The following SDHA variants were observed in gnomAD, a reference collection of about 807,000 sequenced individuals.
SDHA encodes succinate dehydrogenase [ubiquinone] flavoprotein subunit, mitochondrial.
Under a neutral mutation model 78.4 loss-of-function variants are expected in SDHA, and 48 were observed. That is an observed-to-expected ratio of 0.61 (90% CI 0.49 to 0.78). The LOEUF (loss-of-function observed/expected upper bound fraction) is 0.78. SDHA is among the 30% of genes least tolerant of loss of function. The probability of loss-of-function intolerance (pLI) is 0.00; values close to 1 mark genes in which losing one functional copy is unlikely to be tolerated. For missense variants in SDHA, 680 were observed against 892.7 expected (o/e 0.76, Z 3.04); for synonymous variants, 326 against 353.9 (o/e 0.92, Z 0.88).
At chr5:227,823 C>G (rs1735136576) in intron 5 of SDHA, 1 of 333,448 alleles carries the variant, frequency 3.0e-6, no homozygotes, top group Non-Finnish European at 5.8e-6. Flanking sequence ...TTGCCAGTAG[C>G]TCCCATCTGG....
At chr5:253,313 C>A (rs1279367412) in intron 13 of SDHA, among the ~76,000 whole-genome samples, 1 of 152,204 alleles carries the variant, frequency 6.6e-6, no homozygotes, top group Non-Finnish European at 1.5e-5. Context: ...TTACCCTCCA[C>A]TAGAATATGC....
chr5:265,683 G>A, the SDHA span, among the ~76,000 whole-genome samples: 2 of 152,136 alleles, frequency 1.3e-5, no homozygotes, highest in African/African-American at 4.8e-5. Context: ...AGCCAGGCAT[G>A]ATGGTGGGTG....
intron 7 of SDHA, among the ~76,000 whole-genome samples, chr5:232,671 CAA>C (rs1164382547): frequency 6.6e-5 from 10 of 151,726 alleles, no homozygotes; most frequent in African/African-American, 1.9e-4. Context: ...CTTAGAAAAT[CAA>C]AAGACAGACA....
the SDHA span, among the ~76,000 whole-genome samples, chr5:265,935 A>T: frequency 3.3e-5 from 5 of 151,130 alleles, no homozygotes; most frequent in Non-Finnish European, 4.4e-5. Context: ...TCCTGGGGGA[A>T]CCCTACCCCA....
chr5:224,600 C>G (rs1734904427), intron 3 of SDHA, 79 bp downstream of exon 3: 3 of 1,471,224 alleles, frequency 2.0e-6, no homozygotes, highest in African/African-American at 2.8e-5. Flanking sequence ...GGGCAGCCCC[C>G]TGCCTCCTCC....
chr5:225,814 G>A (rs1734981920), intron 4 of SDHA, 69 bp from the exon 5 acceptor site: 2 of 1,582,112 alleles, frequency 1.3e-6, no homozygotes, highest in African/African-American at 2.7e-5. Flanking sequence ...CTTGTTTAGT[G>A]TAGATTAGCT....
chr5:240,642 G>A lies in SDHA; in HGVS notation c.1551+166G>A, dbSNP rs372060004. Among the ~76,000 whole-genome samples the A allele has an allele frequency of 1.8e-4, 27 of 152,218 alleles. No individual in the cohort carries two copies. In the East Asian group the frequency reaches 3.1e-3, roughly 17 times the overall value. On this transcript the variant is annotated intron_variant, in intron 11 of 14. Transcript: ENST00000264932. ...TTTTCATGTACCCGTCACACAAGTC[G>A]TGTGTGTTGTACCCAGTAGGTAATT... is the stretch of plus-strand genomic sequence containing the variant.
chr5:257,547 G>A (rs1405036323), downstream of SDHA, among the ~76,000 whole-genome samples: 119 of 101,292 alleles, frequency 1.2e-3, 11 homozygotes, highest in African/African-American at 4.3e-3. Context: ...TGAGCTCCGC[G>A]CCCTGCCAGA....
chr5:267,938 G>A, the SDHA span, among the ~76,000 whole-genome samples: 2 of 152,178 alleles, frequency 1.3e-5, no homozygotes, highest in Non-Finnish European at 2.9e-5. Context: ...GACTCAGGCA[G>A]CAACCCCCAT....
intron 2 of SDHA, among the ~76,000 whole-genome samples, chr5:224,105 G>C (rs1403515013): frequency 6.6e-6 from 1 of 152,312 alleles, no homozygotes; most frequent in African/African-American, 2.4e-5. Flanking sequence ...CCCTGAAGTA[G>C]AGTTGTGGTC....
At chr5:227,608 C>T (rs151034755) in intron 5 of SDHA, 20,765 of 175,986 alleles carry the variant, frequency 0.12, 1,355 homozygotes, top group Admixed American at 0.16. Context: ...CCCAGGCTTA[C>T]AAGAGCGACT....
At chr5:251,137 G>T in intron 12 of SDHA, 34 bp downstream of exon 12, 1 of 1,601,908 alleles carries the variant, frequency 6.2e-7, no homozygotes, top group Non-Finnish European at 8.5e-7. Context: ...CACACTGTTG[G>T]GCCCTTCCTT....
intron 2 of SDHA, among the ~76,000 whole-genome samples, chr5:223,917 A>C (rs1383378848): frequency 1.3e-5 from 2 of 152,224 alleles, no homozygotes; most frequent in African/African-American, 4.8e-5. Flanking sequence ...CTGCTGTGAT[A>C]GATGATAAAA....
chr5:240,290 C>A, intron 10 of SDHA, 68 bp from the exon 11 acceptor site: 1 of 962,642 alleles, frequency 1.0e-6, no homozygotes, highest in Non-Finnish European at 1.6e-6. Context: ...GTTTGTGTGT[C>A]ATTCTAAATC....
intron 11 of SDHA, among the ~76,000 whole-genome samples, chr5:243,968 C>T (rs1415601805): frequency 6.6e-6 from 1 of 152,040 alleles, no homozygotes; most frequent in East Asian, 1.9e-4. Flanking sequence ...AGTGAGGGTG[C>T]CAGATGGGGG....
rs1235961098 is a variant in SDHA at position 228,195 on chromosome 5, A to G, written c.632A>G (p.Tyr211Cys). The G allele has an allele frequency of 2.5e-6, 4 of 1,613,556 alleles. No homozygotes were observed. The highest frequency in any genetic ancestry group is 1.7e-5 in the Admixed American group (1 of 59,972). ...LHTLYGRSLR[Y>C]DTSYFVEYFA... ...TTTCCTTTCTTTTAGTCTCTGCGAT[A>G]TGATACCAGCTATTTTGTGGAGTAT... is the stretch of plus-strand genomic sequence containing the variant. The change falls in exon 6 of 15, where the codon TAT becomes TGT. Residue 211 changes from tyrosine (Y) to cysteine (C), a missense_variant. By Grantham distance (194) the Tyr-to-Cys change is radical. Coordinates refer to ENST00000264932, the MANE Select transcript of SDHA (RefSeq NM_004168.4).
chr5:239,059 A>G (rs550809270), intron 10 of SDHA, among the ~76,000 whole-genome samples: 1,768 of 145,938 alleles, frequency 0.012, 11 homozygotes, highest in South Asian at 0.055. Context: ...ATCAAAAGGA[A>G]GAGAAACACC....
downstream of SDHA, among the ~76,000 whole-genome samples, chr5:261,550 T>C (rs185040): frequency 0.011 from 84 of 7,426 alleles, no homozygotes; most frequent in East Asian, 0.02. Flanking sequence ...CCGCCTCCCG[T>C]CAGAGCATTA....
chr5:240,548 A>T (rs10037851), intron 11 of SDHA, 72 bp downstream of exon 11: 125,940 of 967,170 alleles, frequency 0.13, 14,182 homozygotes, highest in African/African-American at 0.52. Context: ...TTTGTTTTTT[A>T]AAAACTAGAT....
Sources: allele counts gnomAD v4.1 joint callset (sites outside exome capture counted in the v4.1 genomes callset), GRCh38; gene constraint gnomAD v4.1.1; transcripts MANE v1.5; gene names NCBI Gene and HGNC (gene_info 2026-07-23, HGNC 2026-07-21).